NT5C3A: variants seen among roughly 807,000 people sequenced by gnomAD.
NT5C3A encodes the protein 5'-nucleotidase, cytosolic IIIA.
A neutral mutation model predicts 40.0 loss-of-function variants in NT5C3A; 23 were observed. The ratio of observed to expected loss-of-function variants is 0.58; its 90% CI spans 0.41 to 0.81. The LOEUF is 0.81. Ranked by LOEUF, NT5C3A falls within the 40% of genes least tolerant of loss-of-function variation. The probability of loss-of-function intolerance (pLI) is 0.00; values close to 1 mark genes in which losing one functional copy is unlikely to be tolerated. For synonymous variants in NT5C3A, 130 were observed against 141.4 expected (o/e 0.92, Z 0.57); for missense variants, 328 against 403.0 (o/e 0.81, Z 1.59).
intron 1 of NT5C3A, among the ~76,000 whole-genome samples, chr7:33,031,415 C>G (rs1286140760): frequency 2.0e-5 from 3 of 151,530 alleles, no homozygotes; most frequent in African/African-American, 7.3e-5. Flanking sequence ...TGGCAAAACC[C>G]TGTCTCTACA....
intron 1 of NT5C3A, among the ~76,000 whole-genome samples, chr7:33,052,737 A>G (rs10951371): frequency 0.72 from 110,120 of 152,030 alleles, 40,151 homozygotes; most frequent in African/African-American, 0.79. Context: ...ATTTTGCTGT[A>G]GTAAGAATTT....
At chr7:33,031,353 C>T (rs368950041) in intron 1 of NT5C3A, among the ~76,000 whole-genome samples, 10 of 151,448 alleles carry the variant, frequency 6.6e-5, no homozygotes, top group South Asian at 4.2e-4. Context: ...TTTAGGAGGC[C>T]GAGGCAGGAG....
At chr7:33,049,595 A>C (rs914448286) in intron 1 of NT5C3A, among the ~76,000 whole-genome samples, 4 of 152,208 alleles carry the variant, frequency 2.6e-5, no homozygotes, top group African/African-American at 9.7e-5. Flanking sequence ...ACATGTGACA[A>C]AATCTCTTTT....
intron 1 of NT5C3A, among the ~76,000 whole-genome samples, chr7:33,056,326 A>G (rs1051230709): frequency 2.0e-5 from 3 of 151,802 alleles, no homozygotes; most frequent in Non-Finnish European, 4.4e-5. Context: ...TTAGATAAAA[A>G]TTGAGATATG....
intron 1 of NT5C3A, among the ~76,000 whole-genome samples, chr7:33,049,629 G>T (rs1787283618): frequency 6.6e-6 from 1 of 152,010 alleles, no homozygotes; most frequent in African/African-American, 2.4e-5. Context: ...ACACAAAATA[G>T]AATTTTTATT....
Position 33,018,008 on chromosome 7 carries a change from T to C in NT5C3A, c.531-407A>G, listed in dbSNP as rs180689397. ...CACTCTGGGCAACATAGCGAGACCC[T>C]GTCTCTAAAATGAAATTTAAAAAGA... On this transcript the variant is annotated intron_variant, in intron 6 of 8. Transcript: ENST00000610140. Among the ~76,000 whole-genome samples the C allele has an allele frequency of 1.2e-4, 18 of 152,316 alleles. No homozygotes were observed. The East Asian group carries it at 3.5e-3, about 29-fold the overall frequency.
chr7:33,053,870 A>G (rs2128018117), intron 1 of NT5C3A, among the ~76,000 whole-genome samples: 1 of 152,318 alleles, frequency 6.6e-6, no homozygotes, highest in East Asian at 1.9e-4. Flanking sequence ...CTAATATACA[A>G]GTAGCTCACT....
chr7:33,044,858 T>A (rs1004642272), intron 1 of NT5C3A, among the ~76,000 whole-genome samples: 5 of 152,238 alleles, frequency 3.3e-5, no homozygotes, highest in Admixed American at 3.3e-4. Context: ...TATATGAATT[T>A]AAGCTTTAAT....
At chr7:33,016,354 A>C (rs1444125161) in intron 7 of NT5C3A, among the ~76,000 whole-genome samples, 4 of 142,742 alleles carry the variant, frequency 2.8e-5, no homozygotes, top group Non-Finnish European at 6.0e-5. Flanking sequence ...AGCCTGGGTG[A>C]CAGAGTGAGA....
chr7:33,031,056 C>T (rs1398511396), intron 1 of NT5C3A, among the ~76,000 whole-genome samples: 1 of 149,402 alleles, frequency 6.7e-6, no homozygotes, highest in Non-Finnish European at 1.5e-5. Flanking sequence ...GCCGAGATCG[C>T]GCCACTGCAC....
rs915319860 is a variant in NT5C3A, at chr7:33,022,220, C to T, written c.308-121G>A. On this transcript the variant is annotated intron_variant, in intron 3 of 8. Coordinates refer to ENST00000610140, the MANE Select transcript of NT5C3A (RefSeq NM_001002010.5). ...CAATTACTTTTGCACCAACCCAATA[C>T]TTTTAAGTAATGCCAAGTCAACTAG... 4.6e-6 allele frequency: 3 copies of T among 653,044 alleles called. No individual in the cohort carries two copies. The African/African-American group carries it at 5.4e-5, about 12-fold the overall frequency. 40.5% of individuals were successfully genotyped at this position (653,044 alleles called of 1,614,324 possible). A position where few individuals can be genotyped will look rare whatever the true frequency, so the allele number is the denominator to read the frequency against.
chr7:33,046,046 C>A (rs1702699334), intron 1 of NT5C3A: 1 of 152,286 alleles, frequency 6.6e-6, no homozygotes, highest in Non-Finnish European at 1.5e-5. Context: ...GATCCTTTCA[C>A]CTCAACCTCC....
chr7:33,016,463 A>G (rs1177408478), intron 7 of NT5C3A, among the ~76,000 whole-genome samples: 1 of 151,284 alleles, frequency 6.6e-6, no homozygotes, highest in Non-Finnish European at 1.5e-5. Flanking sequence ...TGAGGTCAAG[A>G]GATCAGACCA....
chr7:33,050,529 T>C (rs1787323550), intron 1 of NT5C3A, among the ~76,000 whole-genome samples: 1 of 152,092 alleles, frequency 6.6e-6, no homozygotes, highest in South Asian at 2.1e-4. Flanking sequence ...ACTAATGATA[T>C]CGGAGATAAG....
intron 1 of NT5C3A, among the ~76,000 whole-genome samples, chr7:33,037,712 A>G (rs966472758): frequency 6.6e-6 from 1 of 152,188 alleles, no homozygotes; most frequent in South Asian, 2.1e-4. Flanking sequence ...ATTTCCAAAC[A>G]GTAAGATGAT....
intron 3 of NT5C3A, among the ~76,000 whole-genome samples, chr7:33,023,274 T>A (rs960839519): frequency 8.5e-5 from 13 of 152,140 alleles, no homozygotes; most frequent in African/African-American, 3.1e-4. Flanking sequence ...TTTACTTTTT[T>A]TTGAGATGAA....
chr7:33,019,911 C>G (rs1338986236), intron 5 of NT5C3A, among the ~76,000 whole-genome samples, 187 bp from the exon 6 acceptor site: 1 of 152,174 alleles, frequency 6.6e-6, no homozygotes, highest in Non-Finnish European at 1.5e-5. Flanking sequence ...CATGTTCTTA[C>G]TGAGTTTCCC....
Position 33,039,248 on chromosome 7 carries a change from C to T in NT5C3A, c.139-12333G>A, listed in dbSNP as rs530486714. On this transcript the variant is annotated intron_variant, in intron 1 of 8. Coordinates refer to ENST00000610140, the MANE Select transcript of NT5C3A (RefSeq NM_001002010.5). Reference sequence around the variant, plus strand: ...AAAAATTACCTGATTTAAAGCAAGTCTTAAAGTACCTGAATGCAAACTGAT... The same window carrying T: ...AAAAATTACCTGATTTAAAGCAAGTTTTAAAGTACCTGAATGCAAACTGAT... Among the ~76,000 whole-genome samples the T allele has an allele frequency of 3.3e-5, 5 of 152,158 alleles. No homozygotes were observed. The East Asian group carries it at 9.7e-4, about 29-fold the overall frequency.
chr7:33,060,369 CTTTTTTTTTTTT>C (rs3082829), intron 1 of NT5C3A, among the ~76,000 whole-genome samples: 11 of 78,474 alleles, frequency 1.4e-4, no homozygotes, highest in Non-Finnish European at 2.1e-4. Flanking sequence ...TGCTTTCCTT[CTTTTTTTTTTTT>C]TTTTTTTTTT....
Sources: gnomAD v4.1 joint callset for allele counts (sites outside exome capture counted in the v4.1 genomes callset) on GRCh38, gnomAD v4.1.1 for gene constraint, MANE v1.5 for transcripts, NCBI Gene and HGNC (gene_info 2026-07-23, HGNC 2026-07-21) for gene names.